The following COG6 variants were observed in gnomAD, a reference collection of about 807,000 sequenced individuals.
The protein encoded by COG6 is conserved oligomeric Golgi complex subunit 6.
Under a neutral mutation model 88.8 loss-of-function variants are expected in COG6, and 74 were observed. The ratio of observed to expected loss-of-function variants is 0.83; its 90% CI spans 0.69 to 1.01. The LOEUF (loss-of-function observed/expected upper bound fraction) is 1.01, where lower values mean the gene tolerates loss of function less well. Ranked by LOEUF, COG6 falls within the 50% of genes least tolerant of loss-of-function variation. The pLI is 0.00. For synonymous variants in COG6, 286 were observed against 278.7 expected (o/e 1.03, Z -0.26); for missense variants, 800 against 797.9 (o/e 1.00, Z -0.03).
At chr13:39,760,957 T>TC (rs930787962) in intron 18 of COG6, among the ~76,000 whole-genome samples, 22 of 152,020 alleles carry the variant, frequency 1.4e-4, no homozygotes, top group African/African-American at 5.3e-4. Flanking sequence ...CTTTTTTTCA[T>TC]CTAGAGTGCC....
intron 4 of COG6, among the ~76,000 whole-genome samples, chr13:39,670,672 T>C (rs1468579426): frequency 6.6e-6 from 1 of 151,966 alleles, no homozygotes; most frequent in Non-Finnish European, 1.5e-5. Context: ...TCCCCTTTTA[T>C]TAGACAAAGA....
At chr13:39,778,721 A>C (rs1881542606) in intron 18 of COG6, among the ~76,000 whole-genome samples, 1 of 152,216 alleles carries the variant, frequency 6.6e-6, no homozygotes, top group African/African-American at 2.4e-5. Flanking sequence ...CTCAGGGGCT[A>C]TCATGGTTGT....
intron 4 of COG6, among the ~76,000 whole-genome samples, chr13:39,673,477 A>G (rs1875772601): frequency 6.6e-6 from 1 of 152,002 alleles, no homozygotes; most frequent in Non-Finnish European, 1.5e-5. Context: ...CTTTATAAAA[A>G]CTTAAAATGA....
At chr13:39,771,729 A>G (rs1216796656) in intron 18 of COG6, among the ~76,000 whole-genome samples, 1 of 152,254 alleles carries the variant, frequency 6.6e-6, no homozygotes, top group Non-Finnish European at 1.5e-5. Context: ...GCTTAATTGT[A>G]TAAAGTAACT....
At chr13:39,689,984 T>A (rs1186119990) in intron 11 of COG6, among the ~76,000 whole-genome samples, 160 bp downstream of exon 11, 1 of 151,982 alleles carries the variant, frequency 6.6e-6, no homozygotes, top group Non-Finnish European at 1.5e-5. Flanking sequence ...AAATAATAAT[T>A]GCCAGTTTTC....
intron 13 of COG6, among the ~76,000 whole-genome samples, chr13:39,717,522 A>C (rs891339583): frequency 1.3e-5 from 2 of 151,790 alleles, no homozygotes; most frequent in Non-Finnish European, 2.9e-5. Flanking sequence ...AGACTCAATA[A>C]TCTTTAAGTT....
Position 39,751,563 on chromosome 13 carries a change from C to T in COG6, c.*470C>T. ...ACTTAGTAGCTTTTCTGAACCTAGCCTATGTCTCTGTCCCCAAAATAGCTG... is the reference window on the plus strand; with the variant it reads ...ACTTAGTAGCTTTTCTGAACCTAGCTTATGTCTCTGTCCCCAAAATAGCTG... On this transcript the variant is annotated 3_prime_UTR_variant, in exon 19 of 19. Coordinates refer to ENST00000455146, the MANE Select transcript of COG6 (RefSeq NM_020751.3). 1 of 1,287,082 alleles carries T rather than the reference C, an allele frequency of 7.8e-7. No individual in the cohort carries two copies. Among genetic ancestry groups the T allele is most frequent in the Non-Finnish European group, 1.0e-6 (1 of 988,694 alleles). The allele number at this position is 1,287,082 out of a possible 1,614,324, so 79.7% of individuals were successfully genotyped here.
intron 1 of COG6, among the ~76,000 whole-genome samples, chr13:39,658,454 C>G (rs113431317): frequency 3.2e-4 from 48 of 152,198 alleles, no homozygotes; most frequent in African/African-American, 1.1e-3. Context: ...TGGAATATCT[C>G]TTTTTCATTT....
chr13:39,720,900 C>A (rs915553360), intron 15 of COG6, among the ~76,000 whole-genome samples: 1 of 151,900 alleles, frequency 6.6e-6, no homozygotes, highest in Admixed American at 6.6e-5. Context: ...AGAATATGGT[C>A]ATACTTAAGA....
intron 14 of COG6, 57 bp from the exon 15 acceptor site, chr13:39,719,602 AC>A: frequency 6.7e-7 from 1 of 1,502,022 alleles, no homozygotes; most frequent in Non-Finnish European, 9.2e-7. Flanking sequence ...AATATCATTA[AC>A]CCAAGACCCT....
At chr13:39,753,855 T>G (rs1880745906), downstream of COG6, among the ~76,000 whole-genome samples, 1 of 152,220 alleles carries the variant, frequency 6.6e-6, no homozygotes, top group African/African-American at 2.4e-5. Context: ...ATTTCTCTGC[T>G]TCCTTTCCTG....
intron 18 of COG6, among the ~76,000 whole-genome samples, chr13:39,761,392 T>A (rs1258096940): frequency 1.3e-5 from 2 of 151,916 alleles, no homozygotes; most frequent in African/African-American, 4.8e-5. Context: ...CCCTAATGGA[T>A]AAAAGACTTA....
intron 18 of COG6, among the ~76,000 whole-genome samples, chr13:39,733,042 A>G (rs1879536601): frequency 6.6e-6 from 1 of 152,144 alleles, no homozygotes; most frequent in South Asian, 2.1e-4. Context: ...AAAGCTAAGT[A>G]TAAAAACGTC....
At chr13:39,682,387 A>G (rs1379853697) in intron 8 of COG6, 123 bp downstream of exon 8, 6 of 661,788 alleles carry the variant, frequency 9.1e-6, no homozygotes, top group Admixed American at 2.6e-5. Flanking sequence ...ATTTACAACA[A>G]TACTGTTCAC....
exon 19 of COG6, chr13:39,790,217 CA>C (rs1335795122): frequency 6.6e-6 from 1 of 152,050 alleles, no homozygotes; most frequent in Non-Finnish European, 1.5e-5. Context: ...CAAACTTGAA[CA>C]AATTATGTAA....
chr13:39,754,135 C>T (rs1445487726), downstream of COG6, among the ~76,000 whole-genome samples: 2 of 152,168 alleles, frequency 1.3e-5, no homozygotes, highest in African/African-American at 4.8e-5. Flanking sequence ...ACCCAACCCC[C>T]TTTTGACCTT....
chr13:39,715,757 T>G (rs972498712), intron 13 of COG6, among the ~76,000 whole-genome samples: 14 of 152,180 alleles, frequency 9.2e-5, no homozygotes, highest in African/African-American at 3.4e-4. Context: ...CACCCTGAAT[T>G]GACTGTTATT....
At position 39,722,178 on chromosome 13, in the gene COG6, C is replaced by G. The variant is rs552092474; in HGVS notation, c.1585-1155C>G. Among the ~76,000 whole-genome samples the G allele has an allele frequency of 6.8e-4, 103 of 151,592 alleles. 1 individual carries two copies. The highest frequency in any genetic ancestry group is 2.5e-3 in the African/African-American group (102 of 41,372). On this transcript the variant is annotated intron_variant, in intron 15 of 18. Coordinates refer to ENST00000455146, the MANE Select transcript of COG6 (RefSeq NM_020751.3). ...CTTTCCTTCCATTTTTCTTTCAGACCGCTGATTTGATGCTTTGCAGTAACT... is the reference window on the plus strand; with the variant it reads ...CTTTCCTTCCATTTTTCTTTCAGACGGCTGATTTGATGCTTTGCAGTAACT...
At position 39,705,823 on chromosome 13, in the gene COG6, C is replaced by T. The variant is rs192271099; in HGVS notation, c.1284+6205C>T. On this transcript the variant is annotated intron_variant, in intron 13 of 18. Coordinates refer to ENST00000455146, the MANE Select transcript of COG6 (RefSeq NM_020751.3). ...CAGATATCTCAGGTCCTGCTCCAGA[C>T]CTACTGAATTGAATTATGCATTTTA... Among the ~76,000 whole-genome samples the T allele has an allele frequency of 3.5e-3, 538 of 152,104 alleles. 2 individuals carry two copies. The highest frequency in any genetic ancestry group is 0.012 in the African/African-American group (511 of 41,496).
Sources: gnomAD v4.1 joint callset for allele counts (sites outside exome capture counted in the v4.1 genomes callset) on GRCh38, gnomAD v4.1.1 for gene constraint, MANE v1.5 for transcripts, NCBI Gene and HGNC (gene_info 2026-07-23, HGNC 2026-07-21) for gene names.